The following NUS1 variants were observed in gnomAD, a reference collection of about 807,000 sequenced individuals.
NUS1 encodes NUS1 dehydrodolichyl diphosphate synthase subunit, also known as dehydrodolichyl diphosphate synthase complex subunit NUS1.
For missense variants in NUS1, 292 were observed against 382.9 expected, an observed-to-expected ratio of 0.76 and a Z score of 1.98; for synonymous variants, 135 against 155.2, an observed-to-expected ratio of 0.87 and a Z score of 0.97.
At chr6:117,698,188 A>G (rs1262149801) in intron 3 of NUS1, among the ~76,000 whole-genome samples, 1 of 152,050 alleles carries the variant, frequency 6.6e-6, no homozygotes, top group East Asian at 1.9e-4. Flanking sequence ...AGATCAGAGC[A>G]GAAATGAATG....
intron 1 of NUS1, among the ~76,000 whole-genome samples, chr6:117,686,122 G>A (rs983181163): frequency 3.3e-5 from 5 of 151,350 alleles, no homozygotes; most frequent in Non-Finnish European, 7.4e-5. Context: ...TTAGCCGGGC[G>A]TGGTGGTGGG....
chr6:117,702,622 T>C (rs1205409146), intron 3 of NUS1, among the ~76,000 whole-genome samples: 2 of 152,202 alleles, frequency 1.3e-5, no homozygotes, highest in Non-Finnish European at 2.9e-5. Context: ...CTTCTTGTCA[T>C]TTTTTATGGA....
chr6:117,676,094 C>T lies in NUS1; in HGVS notation c.415+9C>T, dbSNP rs1772975415. 4.5e-6 allele frequency: 7 copies of T among 1,550,516 alleles called. No individual in the cohort carries two copies. The South Asian group carries it at 4.8e-5, about 11-fold the overall frequency. On this transcript the variant is annotated intron_variant, in intron 1 of 4. Transcript: ENST00000368494. ...CGTCTACGACCACCAAGGTGAGGCC[C>T]GGTGCGGTGGTGGGGGGTGGCCGAG...
At chr6:117,701,583 G>A (rs981886182) in intron 3 of NUS1, among the ~76,000 whole-genome samples, 1 of 152,068 alleles carries the variant, frequency 6.6e-6, no homozygotes, top group African/African-American at 2.4e-5. Flanking sequence ...CAGTTTCGGG[G>A]TATAGAATTT....
intron 4 of NUS1, among the ~76,000 whole-genome samples, chr6:117,704,612 G>C (rs1773475731): frequency 6.6e-6 from 1 of 152,182 alleles, no homozygotes; most frequent in Non-Finnish European, 1.5e-5. Context: ...ATAAAGGAGA[G>C]ACATAGTAGC....
intron 3 of NUS1, among the ~76,000 whole-genome samples, chr6:117,700,052 T>C (rs1020895696): frequency 6.6e-6 from 1 of 152,080 alleles, no homozygotes; most frequent in African/African-American, 2.4e-5. Context: ...ACTAAGCAAC[T>C]ACTACAGGAA....
chr6:117,701,779 CTT>C (rs1773414102), intron 3 of NUS1, among the ~76,000 whole-genome samples: 1 of 151,920 alleles, frequency 6.6e-6, no homozygotes, highest in Non-Finnish European at 1.5e-5. Flanking sequence ...TTTGTAGAGA[CTT>C]AGGATTTTCT....
In NUS1 at chr6:117,675,870, G is replaced by C. The variant is rs1198106267; in HGVS notation, c.200G>C (p.Arg67Pro). 10 of 1,532,892 alleles carry C rather than the reference G, an allele frequency of 6.5e-6. No homozygotes were observed. The highest frequency in any genetic ancestry group is 5.5e-5 in the African/African-American group (4 of 72,682). 95.0% of individuals were successfully genotyped at this position (1,532,892 alleles called of 1,614,324 possible). Residue 67 changes from arginine (R) to proline (P), a missense_variant, in exon 1 of 5, where the codon CGT (arginine) becomes CCT (proline). By Grantham distance (103) the Arg-to-Pro change is moderately radical. Coordinates refer to ENST00000368494, the MANE Select transcript of NUS1 (RefSeq NM_138459.5). Reference protein sequence around the residue: ...RKPPAVGRNRRHHRHPRGGSC... With the variant: ...RKPPAVGRNRPHHRHPRGGSC... ...CCCCCGGCAGTCGGCAGGAACCGCCGTCACCACCGGCACCCGCGCGGGGGG... is the reference window on the plus strand; with the variant it reads ...CCCCCGGCAGTCGGCAGGAACCGCCCTCACCACCGGCACCCGCGCGGGGGG...
intron 1 of NUS1, 104 bp downstream of exon 1, chr6:117,676,189 C>G (rs1772977681): frequency 6.6e-7 from 1 of 1,511,728 alleles, no homozygotes; most frequent in African/African-American, 1.4e-5. Flanking sequence ...GGCCTCTCTG[C>G]AAATCACAGC....
intron 1 of NUS1, among the ~76,000 whole-genome samples, chr6:117,690,100 A>G (rs912083054): frequency 3.3e-5 from 5 of 152,192 alleles, no homozygotes; most frequent in African/African-American, 1.2e-4. Context: ...ATTACTCCAC[A>G]GGTATTACTG....
intron 4 of NUS1, among the ~76,000 whole-genome samples, chr6:117,705,077 C>T (rs947292990): frequency 1.3e-5 from 2 of 152,162 alleles, no homozygotes; most frequent in African/African-American, 2.4e-5. Flanking sequence ...GAGAAGAGAA[C>T]GTGTAGCATG....
intron 1 of NUS1, among the ~76,000 whole-genome samples, chr6:117,680,297 G>T (rs187271531): frequency 1.3e-5 from 2 of 152,240 alleles, no homozygotes; most frequent in East Asian, 3.9e-4. Flanking sequence ...ACCATAACTG[G>T]GATGGTACAA....
At chr6:117,695,557 C>T (rs1289692130) in intron 3 of NUS1, among the ~76,000 whole-genome samples, 1 of 152,142 alleles carries the variant, frequency 6.6e-6, no homozygotes, top group Non-Finnish European at 1.5e-5. Flanking sequence ...TTCAGGTAGT[C>T]CATGGGAAAG....
At chr6:117,704,465 T>C (rs1263950303) in intron 4 of NUS1, among the ~76,000 whole-genome samples, 1 of 152,170 alleles carries the variant, frequency 6.6e-6, no homozygotes, top group Non-Finnish European at 1.5e-5. Context: ...CTCTATTGCA[T>C]CTATGCAACT....
In NUS1 at chr6:117,675,943, T is replaced by C. The variant is rs1772971704; in HGVS notation, c.273T>C (p.Gly91=). Residue 91 remains glycine (G), a synonymous_variant, in exon 1 of 5, where the codon GGT becomes GGC. Coordinates refer to ENST00000368494, the MANE Select transcript of NUS1 (RefSeq NM_138459.5). ...ACCGGATGCGCTGGCGCGCGGACGG[T>C]CGTTCCTTGGAGAAGCTGCCTGTGC... ...AHHRMRWRAD[G]RSLEKLPVHM... is the part of the protein sequence containing the mutation. 1 of 1,546,074 alleles carries C rather than the reference T, an allele frequency of 6.5e-7. No individual in the cohort carries two copies. Among genetic ancestry groups the C allele is most frequent in the Non-Finnish European group, 8.7e-7 (1 of 1,144,462 alleles).
At chr6:117,678,100 T>C (rs1485021311) in intron 1 of NUS1, among the ~76,000 whole-genome samples, 1 of 152,190 alleles carries the variant, frequency 6.6e-6, no homozygotes, top group African/African-American at 2.4e-5. Flanking sequence ...GTATCCTGTG[T>C]CATAGTTGCT....
At chr6:117,680,064 A>T in intron 1 of NUS1, among the ~76,000 whole-genome samples, 1 of 152,220 alleles carries the variant, frequency 6.6e-6, no homozygotes, top group East Asian at 1.9e-4. Context: ...TAATCCTTAG[A>T]CTAAAAGATC....
Position 117,708,239 on chromosome 6 carries a change from TTC to T in NUS1, c.*1226_*1227del, listed in dbSNP as rs1482716080. 6.6e-6 allele frequency: 1 copy of T among 152,494 alleles called. No individual in the cohort carries two copies. The highest frequency in any genetic ancestry group is 1.5e-5 in the Non-Finnish European group (1 of 67,904). 9.4% of individuals were successfully genotyped at this position (152,494 alleles called of 1,614,324 possible). On this transcript the variant is annotated 3_prime_UTR_variant, in exon 5 of 5. Coordinates refer to ENST00000368494, the MANE Select transcript of NUS1 (RefSeq NM_138459.5). ...CTTTTATGACAGAGAGCAGCACTGGTTCTGTTATTTTTAAAATGAATAATTGA... is the reference window on the plus strand; with the variant it reads ...CTTTTATGACAGAGAGCAGCACTGGTTGTTATTTTTAAAATGAATAATTGA...
intron 1 of NUS1, among the ~76,000 whole-genome samples, chr6:117,678,314 T>C (rs993349718): frequency 2.0e-5 from 3 of 152,182 alleles, no homozygotes; most frequent in African/African-American, 7.2e-5. Flanking sequence ...AGTCCATTCT[T>C]GGTTTTGATT....
Sources: gnomAD v4.1 joint callset for allele counts (sites outside exome capture counted in the v4.1 genomes callset) on GRCh38, gnomAD v4.1.1 for gene constraint, MANE v1.5 for transcripts, NCBI Gene and HGNC (gene_info 2026-07-23, HGNC 2026-07-21) for gene names.